LRBA: variants seen among roughly 807,000 people sequenced by gnomAD.
LRBA encodes LPS responsive beige-like anchor protein.
A neutral mutation model predicts 330.0 loss-of-function variants in LRBA; 176 were observed. That is an observed-to-expected ratio of 0.53 (90% CI 0.47 to 0.60). LRBA has a LOEUF of 0.60. Ranked by LOEUF, LRBA falls within the 20% of genes least tolerant of loss-of-function variation. The probability of loss-of-function intolerance (pLI) is 0.00; values close to 1 mark genes in which losing one functional copy is unlikely to be tolerated. For synonymous variants in LRBA, 1,230 were observed against 1,193.0 expected (o/e 1.03, Z -0.64); for missense variants, 3,259 against 3,444.8 (o/e 0.95, Z 1.35).
At chr4:150,404,326 A>G (rs1372997379) in intron 47 of LRBA, among the ~76,000 whole-genome samples, 1 of 152,212 alleles carries the variant, frequency 6.6e-6, no homozygotes, top group Non-Finnish European at 1.5e-5. Context: ...GAAAGAATAT[A>G]TAGGGGTGTT....
rs747296284 is a variant in LRBA, at chr4:150,590,733, T to G, written c.6173A>C (p.Lys2058Thr). 2 of 1,613,708 alleles carry G rather than the reference T, an allele frequency of 1.2e-6. No homozygotes were observed. Among genetic ancestry groups the G allele is most frequent in the South Asian group, 2.2e-5 (2 of 90,878 alleles). Residue 2058 changes from lysine to threonine, a missense_variant, in exon 39 of 57, where the codon AAA (lysine) becomes ACA (threonine). By Grantham distance (78) the Lys-to-Thr change is moderately conservative (BLOSUM62 -1). Transcript: ENST00000651943. ...DDDTLSSVDE[K>T]DLENLAGPVS... Reference sequence around the variant, plus strand: ...TTTACCGGCAAGATTCTCTAAATCTTTCTCATCCACGGATGACAGAGTATC... The same window carrying G: ...TTTACCGGCAAGATTCTCTAAATCTGTCTCATCCACGGATGACAGAGTATC...
intron 37 of LRBA, among the ~76,000 whole-genome samples, chr4:150,667,262 T>C (rs1037247760): frequency 2.0e-5 from 3 of 152,196 alleles, no homozygotes; most frequent in African/African-American, 4.8e-5. Flanking sequence ...ATTAAGGATA[T>C]AGATATGAGG....
At chr4:150,870,413 T>G (rs1435105210) in intron 20 of LRBA, 112 bp downstream of exon 20, 1 of 706,654 alleles carries the variant, frequency 1.4e-6, no homozygotes, top group Non-Finnish European at 2.6e-6. Flanking sequence ...TCACCCTTAA[T>G]GAAACATTCA....
At chr4:150,947,248 A>G (rs1736343396) in intron 2 of LRBA, among the ~76,000 whole-genome samples, 1 of 151,214 alleles carries the variant, frequency 6.6e-6, no homozygotes, top group South Asian at 2.1e-4. Context: ...AAGCCTATAC[A>G]CCAATATCCC....
intron 2 of LRBA, among the ~76,000 whole-genome samples, chr4:150,932,695 C>T (rs1483765975): frequency 6.6e-6 from 1 of 151,960 alleles, no homozygotes; most frequent in Non-Finnish European, 1.5e-5. Context: ...GCAGGTGGAT[C>T]CCTTGAGCGC....
In LRBA at chr4:150,639,751, A is replaced by ATGTG. The variant is rs1257366147; in HGVS notation, c.5922-40621_5922-40620insCACA. ...CTATGCCCCAAATATATATATATAT[A>ATGTG]TATATATATATATATATATATATAT... On this transcript the variant is annotated intron_variant, in intron 37 of 56. Transcript: ENST00000651943. Among the ~76,000 whole-genome samples, 31 of 5,506 alleles carry ATGTG rather than the reference A, an allele frequency of 5.6e-3. 4 individuals carry two copies. The highest frequency in any genetic ancestry group is 0.015 in the East Asian group (2 of 134). The allele number at this position is 5,506 out of a possible 152,430, so 3.6% of individuals were successfully genotyped here.
At chr4:150,636,611 G>A (rs182672028) in intron 37 of LRBA, among the ~76,000 whole-genome samples, 118 of 152,202 alleles carry the variant, frequency 7.8e-4, no homozygotes, top group Non-Finnish European at 7.9e-4. Flanking sequence ...CTATTCCCAG[G>A]CCCCCTCAGT....
At chr4:150,821,067 G>A (rs1745362956) in intron 30 of LRBA, among the ~76,000 whole-genome samples, 2 of 151,968 alleles carry the variant, frequency 1.3e-5, no homozygotes, top group Non-Finnish European at 2.9e-5. Flanking sequence ...ATCTTTCTCA[G>A]GCTACAGCTT....
chr4:150,608,149 T>C (rs1774860223), intron 37 of LRBA, among the ~76,000 whole-genome samples: 4 of 152,178 alleles, frequency 2.6e-5, no homozygotes, highest in Admixed American at 2.6e-4. Context: ...AGGTTGAGGT[T>C]GCAGTGAGCT....
chr4:150,921,135 T>A (rs1249021638), intron 5 of LRBA, 63 bp downstream of exon 5: 1 of 1,070,720 alleles, frequency 9.3e-7, no homozygotes, highest in Admixed American at 1.7e-5. Context: ...TTCACAGGGC[T>A]GTACTTTCAG....
At position 150,277,896 on chromosome 4, in the gene LRBA, A is replaced by G. The variant is rs767807100; in HGVS notation, c.8425T>C (p.Cys2809Arg). 14 of 1,613,958 alleles carry G rather than the reference A, an allele frequency of 8.7e-6. No homozygotes were observed. The highest frequency in any genetic ancestry group is 1.2e-5 in the Non-Finnish European group (14 of 1,180,018). ...GCCATGGCCCGGATTCCAGCGTCAC[A>G]TCCTGGATAGGCAAAGAGCTGCTTG... Reference protein sequence around the residue: ...DLKQLFAYPGCDAGIRAMALS... With the variant: ...DLKQLFAYPGRDAGIRAMALS... Residue 2809 changes from cysteine (C) to arginine (R), a missense_variant, in exon 56 of 57, where the codon TGT becomes CGT. Cys to Arg is a radical substitution (Grantham distance 180, BLOSUM62 -3). Transcript: ENST00000651943.
intron 35 of LRBA, among the ~76,000 whole-genome samples, chr4:150,740,091 T>C (rs1229885191): frequency 6.6e-6 from 1 of 152,100 alleles, no homozygotes; most frequent in Admixed American, 6.5e-5. Flanking sequence ...AATGCACCTC[T>C]GAAAAAAACG....
At chr4:150,591,487 TACAC>T (rs1772822896) in intron 38 of LRBA, among the ~76,000 whole-genome samples, 1 of 152,166 alleles carries the variant, frequency 6.6e-6, no homozygotes, top group Admixed American at 6.5e-5. Context: ...TGTTCACACA[TACAC>T]TCACTCCTCC....
intron 47 of LRBA, 49 bp downstream of exon 47, chr4:150,415,388 TG>T: frequency 1.9e-6 from 3 of 1,554,768 alleles, no homozygotes; most frequent in Non-Finnish European, 2.6e-6. Context: ...ACATGAAAGA[TG>T]CTTTGAGCAA....
intron 2 of LRBA, among the ~76,000 whole-genome samples, chr4:150,989,868 A>C (rs1056348096): frequency 1.3e-5 from 2 of 152,142 alleles, no homozygotes; most frequent in Non-Finnish European, 2.9e-5. Flanking sequence ...TCATGCCTGT[A>C]ATCACAGAAC....
intron 36 of LRBA, among the ~76,000 whole-genome samples, chr4:150,706,976 G>C (rs1279343162): frequency 6.6e-6 from 1 of 151,714 alleles, no homozygotes. Flanking sequence ...TTCACACTTT[G>C]TTGATCAAAG....
intron 5 of LRBA, among the ~76,000 whole-genome samples, chr4:150,918,182 C>T (rs1732857671): frequency 6.6e-6 from 1 of 152,034 alleles, no homozygotes; most frequent in Non-Finnish European, 1.5e-5. Context: ...AGACAAGCCA[C>T]AAGAATGGAA....
chr4:150,489,579 A>G (rs866064809), intron 41 of LRBA, among the ~76,000 whole-genome samples: 57 of 70,866 alleles, frequency 8.0e-4, no homozygotes, highest in Middle Eastern at 0.012. Flanking sequence ...ATATAAGAAT[A>G]TATAATATAT....
chr4:150,802,076 C>T (rs559733898), intron 33 of LRBA, among the ~76,000 whole-genome samples: 15 of 150,830 alleles, frequency 9.9e-5, no homozygotes, highest in Non-Finnish European at 1.5e-4. Context: ...AAACATTAGA[C>T]GAGCATGGTG....
Sources: allele counts gnomAD v4.1 joint callset (sites outside exome capture counted in the v4.1 genomes callset), GRCh38; gene constraint gnomAD v4.1.1; transcripts MANE v1.5; gene names NCBI Gene and HGNC (gene_info 2026-07-23, HGNC 2026-07-21).